The following CAMKMT variants were observed in gnomAD, a reference collection of about 807,000 sequenced individuals.
The protein encoded by CAMKMT is calmodulin-lysine N-methyltransferase.
A neutral mutation model predicts 48.0 loss-of-function variants in CAMKMT; 53 were observed. The ratio of observed to expected loss-of-function variants is 1.10; its 90% CI spans 0.89 to 1.39. CAMKMT has a LOEUF of 1.39. CAMKMT is among the 40% of genes most tolerant of loss of function. The pLI is 0.00. For missense variants in CAMKMT, 428 were observed against 402.7 expected, an observed-to-expected ratio of 1.06 and a Z score of -0.54; for synonymous variants, 165 against 152.3, an observed-to-expected ratio of 1.08 and a Z score of -0.61.
At chr2:44,505,004 G>A (rs189807641) in intron 3 of CAMKMT, among the ~76,000 whole-genome samples, 1 of 152,124 alleles carries the variant, frequency 6.6e-6, no homozygotes, top group South Asian at 2.1e-4. Context: ...GTGGTGAGGG[G>A]TGGGAGGAGA....
intron 3 of CAMKMT, among the ~76,000 whole-genome samples, chr2:44,440,642 AGGGCTCAGTAGCCACAT>A (rs1213552330): frequency 6.6e-6 from 1 of 152,114 alleles, no homozygotes; most frequent in Non-Finnish European, 1.5e-5. Context: ...GCACATTTCA[AGGGCTCAGTAGCCACAT>A]GTGGCTACTA....
chr2:44,582,015 A>G (rs1669595218), intron 3 of CAMKMT, among the ~76,000 whole-genome samples: 3 of 152,178 alleles, frequency 2.0e-5, no homozygotes, highest in Admixed American at 6.5e-5. Context: ...AAAAACAAAA[A>G]CTAGATGGTT....
At chr2:44,370,432 C>T (rs1237802207) in intron 1 of CAMKMT, among the ~76,000 whole-genome samples, 5 of 152,062 alleles carry the variant, frequency 3.3e-5, no homozygotes, top group African/African-American at 4.8e-5. Context: ...TTGTCCATTT[C>T]ATCTAAATTT....
intron 3 of CAMKMT, among the ~76,000 whole-genome samples, chr2:44,647,555 A>G (rs1332606982): frequency 2.6e-5 from 4 of 152,240 alleles, no homozygotes; most frequent in African/African-American, 9.6e-5. Context: ...TTCTGTGGTA[A>G]CTGAAACTTG....
At chr2:44,494,409 T>C (rs1225419226) in intron 3 of CAMKMT, among the ~76,000 whole-genome samples, 1 of 152,204 alleles carries the variant, frequency 6.6e-6, no homozygotes, top group East Asian at 1.9e-4. Context: ...CTCACTTTTT[T>C]TCCCCCCTCT....
At chr2:44,733,142 G>A (rs980887443) in intron 7 of CAMKMT, among the ~76,000 whole-genome samples, 1 of 152,120 alleles carries the variant, frequency 6.6e-6, no homozygotes, top group Non-Finnish European at 1.5e-5. Context: ...TTTAAAAAAT[G>A]GAGACTCAAT....
At position 44,589,445 on chromosome 2, in the gene CAMKMT, C is replaced by T. The variant is rs942639877; in HGVS notation, c.377-114838C>T. On this transcript the variant is annotated intron_variant, in intron 3 of 10. Transcript: ENST00000378494. Reference sequence around the variant, plus strand: ...ATGGCGGTTTTGTGGAATAGAAAGGCGGGAAGGGTGGGGAAAAAATTGAGA... The same window carrying T: ...ATGGCGGTTTTGTGGAATAGAAAGGTGGGAAGGGTGGGGAAAAAATTGAGA... Among the ~76,000 whole-genome samples the T allele has an allele frequency of 1.2e-3, 67 of 54,202 alleles. 5 individuals carry two copies. The East Asian group carries it at 0.018, about 15-fold the overall frequency. 35.6% of individuals were successfully genotyped at this position (54,202 alleles called of 152,430 possible). A position where few individuals can be genotyped will look rare whatever the true frequency, so the allele number is the denominator to read the frequency against.
intron 3 of CAMKMT, among the ~76,000 whole-genome samples, chr2:44,466,483 C>A (rs77292344): frequency 0.018 from 2,712 of 152,020 alleles, 85 homozygotes; most frequent in African/African-American, 0.062. Context: ...CAAATGAAAA[C>A]GAATACACAA....
chr2:44,746,741 C>G (rs190496920), intron 8 of CAMKMT, among the ~76,000 whole-genome samples: 1 of 152,278 alleles, frequency 6.6e-6, no homozygotes, highest in East Asian at 1.9e-4. Flanking sequence ...AAAAACCTGC[C>G]TATTAAGTTC....
intron 3 of CAMKMT, among the ~76,000 whole-genome samples, chr2:44,633,400 GTA>G (rs1282034300): frequency 6.6e-6 from 1 of 152,050 alleles, no homozygotes; most frequent in Non-Finnish European, 1.5e-5. Context: ...CATCAATTAT[GTA>G]TATGTTAGGC....
At chr2:44,688,402 G>A (rs1485650859) in intron 3 of CAMKMT, among the ~76,000 whole-genome samples, 1 of 151,934 alleles carries the variant, frequency 6.6e-6, no homozygotes, top group Non-Finnish European at 1.5e-5. Flanking sequence ...GAATAATGAT[G>A]AGTGGAGATA....
At chr2:44,489,988 A>G (rs1669407480) in intron 3 of CAMKMT, among the ~76,000 whole-genome samples, 1 of 152,052 alleles carries the variant, frequency 6.6e-6, no homozygotes, top group Non-Finnish European at 1.5e-5. Context: ...TATATATTAG[A>G]TTAATACACA....
At chr2:44,644,603 G>C (rs961191798) in intron 3 of CAMKMT, among the ~76,000 whole-genome samples, 1 of 152,264 alleles carries the variant, frequency 6.6e-6, no homozygotes, top group East Asian at 1.9e-4. Context: ...TGAATTTGCT[G>C]TTTTATTTCG....
chr2:44,726,438 T>C (rs970009504), intron 7 of CAMKMT, among the ~76,000 whole-genome samples: 1 of 152,228 alleles, frequency 6.6e-6, no homozygotes, highest in Non-Finnish European at 1.5e-5. Flanking sequence ...TTTTGAGAAG[T>C]GTCCGTTCAC....
intron 3 of CAMKMT, among the ~76,000 whole-genome samples, chr2:44,572,961 T>A (rs1031004013): frequency 6.6e-6 from 1 of 152,218 alleles, no homozygotes; most frequent in Non-Finnish European, 1.5e-5. Context: ...TCCCTAATGA[T>A]TAGGAATGTT....
chr2:44,764,067 C>A (rs1305616096), intron 9 of CAMKMT, among the ~76,000 whole-genome samples: 1 of 151,768 alleles, frequency 6.6e-6, no homozygotes, highest in Admixed American at 6.6e-5. Context: ...GCTGTCCTGC[C>A]GAGACCATGT....
chr2:44,425,869 T>A (rs1684244565), intron 3 of CAMKMT, among the ~76,000 whole-genome samples: 1 of 152,178 alleles, frequency 6.6e-6, no homozygotes, highest in South Asian at 2.1e-4. Flanking sequence ...TAGCTGGGAT[T>A]ACATGCATGT....
At chr2:44,728,016 G>A (rs1404869373) in intron 7 of CAMKMT, among the ~76,000 whole-genome samples, 9 of 152,112 alleles carry the variant, frequency 5.9e-5, no homozygotes, top group Non-Finnish European at 1.0e-4. Context: ...TCAACCTCCC[G>A]GGGTCAAGCA....
chr2:44,457,498 A>T (rs1161851319), intron 3 of CAMKMT, among the ~76,000 whole-genome samples: 2 of 151,218 alleles, frequency 1.3e-5, no homozygotes, highest in African/African-American at 4.9e-5. Context: ...CCCCGGGTTC[A>T]AGCGATTCTC....
Sources: allele counts gnomAD v4.1 joint callset (sites outside exome capture counted in the v4.1 genomes callset), GRCh38; gene constraint gnomAD v4.1.1; transcripts MANE v1.5; gene names NCBI Gene and HGNC (gene_info 2026-07-23, HGNC 2026-07-21).